Variants in TACC1 observed in about 807,000 individuals in gnomAD.
TACC1 encodes transforming acidic coiled-coil containing protein 1, also known as transforming acidic coiled-coil-containing protein 1.
Under a neutral mutation model 84.4 loss-of-function variants are expected in TACC1, and 48 were observed. That is an observed-to-expected ratio of 0.57 (90% CI 0.45 to 0.72). TACC1 has a LOEUF of 0.72. Among genes scored for constraint, TACC1 ranks in the 30% least tolerant of loss-of-function variants. The pLI is 0.00. For missense variants in TACC1, 920 were observed against 973.0 expected, an observed-to-expected ratio of 0.95 and a Z score of 0.72; for synonymous variants, 372 against 376.3, an observed-to-expected ratio of 0.99 and a Z score of 0.13.
chr8:38,801,672 A>AT (rs1208519919), intron 2 of TACC1, among the ~76,000 whole-genome samples: 1 of 151,888 alleles, frequency 6.6e-6, no homozygotes, highest in Non-Finnish European at 1.5e-5. Context: ...AAATTTGTTC[A>AT]TTTTTTCAAG....
At chr8:38,768,450 G>A (rs1812707228) in intron 3 of TACC1, among the ~76,000 whole-genome samples, 1 of 152,174 alleles carries the variant, frequency 6.6e-6, no homozygotes, top group Non-Finnish European at 1.5e-5. Flanking sequence ...TTGATGGACG[G>A]TGTGATGGAA....
At chr8:38,757,050 G>A (rs909884769) in intron 3 of TACC1, among the ~76,000 whole-genome samples, 19 of 152,198 alleles carry the variant, frequency 1.2e-4, no homozygotes, top group Non-Finnish European at 2.5e-4. Context: ...CGGGCGAGGA[G>A]GCGCCGCTGC....
chr8:38,768,124 G>C (rs921972765), intron 3 of TACC1, among the ~76,000 whole-genome samples: 1 of 150,986 alleles, frequency 6.6e-6, no homozygotes, highest in Non-Finnish European at 1.5e-5. Context: ...AGGAAGGTAG[G>C]GGAAGGGAAG....
intron 3 of TACC1, among the ~76,000 whole-genome samples, chr8:38,750,033 A>AG (rs1157884720): frequency 6.6e-6 from 1 of 152,204 alleles, no homozygotes; most frequent in Admixed American, 6.5e-5. Context: ...GCCTATAAGA[A>AG]GGGGGTAAAA....
intron 2 of TACC1, among the ~76,000 whole-genome samples, chr8:38,804,239 A>C (rs1437809124): frequency 1.3e-5 from 2 of 152,164 alleles, no homozygotes; most frequent in Non-Finnish European, 2.9e-5. Context: ...AATTTTCATT[A>C]AATTTCTTTG....
At chr8:38,743,178 C>A (rs948874903) in intron 2 of TACC1, among the ~76,000 whole-genome samples, 1 of 152,120 alleles carries the variant, frequency 6.6e-6, no homozygotes, top group Admixed American at 6.6e-5. Context: ...ATTTGCAAGA[C>A]GTTCATCCTG....
In TACC1 at chr8:38,787,711, T is replaced by C. The variant is rs1396715047; in HGVS notation, c.129T>C (p.Asp43=). 6.5e-7 allele frequency: 1 copy of C among 1,536,114 alleles called. No homozygotes were observed. The highest frequency in any genetic ancestry group is 8.7e-7 in the Non-Finnish European group (1 of 1,148,638). The change falls in exon 1 of 13, where the codon GAT becomes GAC. Residue 43 remains aspartate (D), a synonymous_variant. Transcript: ENST00000317827. ...CCGAGGGCGACCCCGAGGAGGAGGATTCGCAAGCCGAGACCAAATCCTTGA... is the reference window on the plus strand; with the variant it reads ...CCGAGGGCGACCCCGAGGAGGAGGACTCGCAAGCCGAGACCAAATCCTTGA... The part of the protein sequence containing the change: ...GGPEGDPEEE[D]SQAETKSLSF...
intron 2 of TACC1, among the ~76,000 whole-genome samples, chr8:38,790,180 A>G (rs1818305969): frequency 6.6e-6 from 1 of 151,874 alleles, no homozygotes; most frequent in Non-Finnish European, 1.5e-5. Context: ...TGGCAGCAGA[A>G]CTCCAGTCTC....
At chr8:38,731,168 G>A (rs188657940) in intron 1 of TACC1, among the ~76,000 whole-genome samples, 2 of 152,114 alleles carry the variant, frequency 1.3e-5, no homozygotes, top group Non-Finnish European at 2.9e-5. Flanking sequence ...TGAACTCCTG[G>A]TCTCAAGCGA....
At position 38,847,938 on chromosome 8, in the gene TACC1, T is replaced by C. The variant is rs148652478; in HGVS notation, c.2350-17T>C. The C allele has an allele frequency of 5.5e-5, 89 of 1,611,902 alleles. No individual in the cohort carries two copies. The highest frequency in any genetic ancestry group is 2.0e-4 in the Admixed American group (12 of 59,944). On this transcript the variant is annotated splice_polypyrimidine_tract_variant and intron_variant, in intron 12 of 12. Transcript: ENST00000317827. ...GAATACAAAGTGGCCTGCATAATTA[T>C]GTCATTTGTCTTTCAGAACCAAGAA...
chr8:38,764,557 C>A (rs1811859763), intron 3 of TACC1, among the ~76,000 whole-genome samples: 1 of 151,752 alleles, frequency 6.6e-6, no homozygotes, highest in East Asian at 1.9e-4. Flanking sequence ...TGTTATTTCT[C>A]CTTGCCTGTT....
intron 7 of TACC1, among the ~76,000 whole-genome samples, chr8:38,837,424 A>G (rs568169987): frequency 6.6e-6 from 1 of 152,188 alleles, no homozygotes; most frequent in Admixed American, 6.5e-5. Context: ...ACTCCATCTC[A>G]GAAAAATAAA....
At position 38,846,569 on chromosome 8, in the gene TACC1, T is replaced by C. The variant is rs945134783; in HGVS notation, c.2229-130T>C. 3 of 1,151,866 alleles carry C rather than the reference T, an allele frequency of 2.6e-6. No individual in the cohort carries two copies. In the African/African-American group the frequency reaches 4.8e-5, roughly 18 times the overall value. The allele number at this position is 1,151,866 out of a possible 1,614,324, so 71.4% of individuals were successfully genotyped here. ...ATTTAGGTCACCGATTTTTGTTTTT[T>C]TTCTCTCATGCAGTCAATTCTTTGA... On this transcript the variant is annotated intron_variant, in intron 11 of 12. Coordinates refer to ENST00000317827, the MANE Select transcript of TACC1 (RefSeq NM_006283.3).
chr8:38,836,072 G>T lies in TACC1; in HGVS notation c.1714-90G>T, dbSNP rs1830163703. The T allele has an allele frequency of 7.1e-6, 11 of 1,540,872 alleles. No homozygotes were observed. The South Asian group carries it at 1.3e-4, about 18-fold the overall frequency. On this transcript the variant is annotated intron_variant, in intron 6 of 12. Transcript: ENST00000317827. ...CTTTAAACATGGTTTTAAAGGATGT[G>T]ATCAATTTAGTAATGAGGAAGTTGT...
intron 8 of TACC1, 96 bp from the exon 9 acceptor site, chr8:38,840,128 G>T: frequency 2.6e-6 from 2 of 778,376 alleles, no homozygotes; most frequent in Non-Finnish European, 4.3e-6. Context: ...CATTGTCAGT[G>T]TATGTTAATG....
Position 38,827,344 on chromosome 8 carries a change from C to T in TACC1, c.1629C>T (p.Thr543=), listed in dbSNP as rs200160523. 143 of 1,614,024 alleles carry T rather than the reference C, an allele frequency of 8.9e-5. 1 individual carries two copies. The highest frequency in any genetic ancestry group is 3.2e-4 in the Admixed American group (19 of 59,986). The change falls in exon 5 of 13, where the codon ACC becomes ACT. Residue 543 remains threonine, a synonymous_variant. Transcript: ENST00000317827. ...AATGTTCCAATGTTCCTGTGTCTAC[C>T]ATAAATCATGCGTTTTCATCCTCAG... ...YFECSNVPVS[T]INHAFSSSEA...
rs57899148 is a variant in TACC1 at position 38,760,035 on chromosome 8, TA to T, written c.26+14554del. ...TTTTCAAAATCTATTGTTCTTTTTT[TA>T]AAAAAAAAAAATACATGAAAGTCAT... On this transcript the variant is annotated intron_variant, in intron 3 of 14. Transcript: ENST00000518415. Among the ~76,000 whole-genome samples, 520 of 150,496 alleles carry T rather than the reference TA, an allele frequency of 3.5e-3. 4 individuals are homozygous for T. The highest frequency in any genetic ancestry group is 0.011 in the African/African-American group (468 of 41,124).
chr8:38,841,306 A>G (rs1238477544), intron 9 of TACC1, among the ~76,000 whole-genome samples: 1 of 152,190 alleles, frequency 6.6e-6, no homozygotes, highest in East Asian at 1.9e-4. Flanking sequence ...TGTGCTTGGT[A>G]TCACTAGACA....
rs1587773289 is a variant in TACC1 at position 38,798,083 on chromosome 8, C to G, written c.277+9264C>G. Among the ~76,000 whole-genome samples the G allele has an allele frequency of 2.0e-5, 3 of 151,898 alleles. No homozygotes were observed. In the East Asian group the frequency reaches 5.8e-4, roughly 29 times the overall value. On this transcript the variant is annotated intron_variant, in intron 2 of 12. Coordinates refer to ENST00000317827, the MANE Select transcript of TACC1 (RefSeq NM_006283.3). ...AAGTCCCATCCTCTTACCTTATAAT[C>G]TTGGCCTTTAGAGATACGGTTTGGG...
Sources: allele counts gnomAD v4.1 joint callset (sites outside exome capture counted in the v4.1 genomes callset), GRCh38; gene constraint gnomAD v4.1.1; transcripts MANE v1.5; gene names NCBI Gene and HGNC (gene_info 2026-07-23, HGNC 2026-07-21).